Variants in MPDZ observed in about 807,000 individuals in gnomAD.
MPDZ encodes multiple PDZ domain crumbs cell polarity complex component.
Under a neutral mutation model 239.1 loss-of-function variants are expected in MPDZ, and 234 were observed. That is an observed-to-expected ratio of 0.98 (90% confidence interval 0.88 to 1.09). MPDZ has a LOEUF of 1.09. MPDZ is among the 50% of genes least tolerant of loss of function. The pLI is 0.00. For synonymous variants in MPDZ, 1,048 were observed against 881.3 expected (o/e 1.19, Z -3.35); for missense variants, 3,175 against 2,510.0 (o/e 1.26, Z -5.66).
chr9:13,196,978 C>G (rs915722747), intron 12 of MPDZ, among the ~76,000 whole-genome samples: 1 of 151,736 alleles, frequency 6.6e-6, no homozygotes, highest in Non-Finnish European at 1.5e-5. Flanking sequence ...ATTTCAATAT[C>G]CTTTTTAGCA....
chr9:13,256,064 G>A (rs1414089756), intron 1 of MPDZ, among the ~76,000 whole-genome samples: 1 of 152,116 alleles, frequency 6.6e-6, no homozygotes, highest in Admixed American at 6.5e-5. Flanking sequence ...CTTTCTGAAG[G>A]CTCTACATGA....
chr9:13,260,803 C>T (rs552651141), intron 1 of MPDZ, among the ~76,000 whole-genome samples: 1 of 152,290 alleles, frequency 6.6e-6, no homozygotes, highest in South Asian at 2.1e-4. Context: ...CCCTACCAGA[C>T]CTTGATCTTA....
chr9:13,219,636 C>T lies in MPDZ; in HGVS notation c.1009G>A (p.Ala337Thr), dbSNP rs777982521. Residue 337 changes from alanine to threonine, a missense_variant, in exon 8 of 47, where the codon GCC becomes ACC. Physicochemically the swap from Ala to Thr is moderately conservative, Grantham distance 58. Transcript: ENST00000319217. ...NRVKLMIARG[A>T]IEERTAPTAL... ...GTGGGTGCTGTACGTTCTTCTATGG[C>T]ACCTCTTGCAATCATCAACTTAACT... 8 of 1,612,442 alleles carry T rather than the reference C, an allele frequency of 5.0e-6. No individual in the cohort carries two copies. The highest frequency in any genetic ancestry group is 3.3e-4 in the Middle Eastern group (2 of 6,078).
intron 6 of MPDZ, among the ~76,000 whole-genome samples, chr9:13,222,012 T>A (rs1292107872): frequency 6.6e-6 from 1 of 152,096 alleles, no homozygotes; most frequent in African/African-American, 2.4e-5. Context: ...TAAGGAATGC[T>A]GTCAAAGGAC....
rs1266017731 is a variant in MPDZ at position 13,140,086 on chromosome 9, G to A, written c.3904C>T (p.Pro1302Ser). The A allele has an allele frequency of 6.2e-7, 1 of 1,613,414 alleles. No individual in the cohort carries two copies. The highest frequency in any genetic ancestry group is 8.5e-7 in the Non-Finnish European group (1 of 1,179,776). ...APLCSVPPPP[P>S]SAFAEMGSDH... ...CTACCCATTTCGGCAAAGGCTGAAG[G>A]AGGGGGTGGGGGCACACTGCACAAT... Residue 1302 changes from proline (P) to serine (S), a missense_variant, in exon 28 of 47, where the codon CCT becomes TCT. Transcript: ENST00000319217.
Position 13,106,614 on chromosome 9 carries a change from T to G in MPDZ, c.*351A>C, listed in dbSNP as rs1442202023. 5.8e-6 allele frequency: 1 copy of G among 172,516 alleles called. No individual in the cohort carries two copies. Among genetic ancestry groups the G allele is most frequent in the South Asian group, 2.0e-4 (1 of 4,980 alleles). 10.7% of individuals were successfully genotyped at this position (172,516 alleles called of 1,614,324 possible). On this transcript the variant is annotated 3_prime_UTR_variant, in exon 47 of 47. Transcript: ENST00000319217. ...TTCATCCTAATTTACTGAAGCCATT[T>G]TCTTTGGTTAGCTTTAGAATTATCT...
intron 19 of MPDZ, among the ~76,000 whole-genome samples, chr9:13,178,691 G>A (rs539468392): frequency 6.6e-6 from 1 of 152,266 alleles, no homozygotes; most frequent in African/African-American, 2.4e-5. Context: ...TATTTATGGT[G>A]ACGAATAGAC....
intron 1 of MPDZ, among the ~76,000 whole-genome samples, chr9:13,253,107 G>GA (rs1466815755): frequency 1.3e-5 from 2 of 151,904 alleles, no homozygotes; most frequent in African/African-American, 4.8e-5. Context: ...AGTCTGCAGA[G>GA]AAAGTACAGC....
intron 18 of MPDZ, among the ~76,000 whole-genome samples, chr9:13,184,204 G>A (rs554185779): frequency 6.6e-6 from 1 of 151,940 alleles, no homozygotes; most frequent in Admixed American, 6.6e-5. Flanking sequence ...TAAAGAGTGA[G>A]ATAGAGAATT....
intron 1 of MPDZ, among the ~76,000 whole-genome samples, chr9:13,270,995 T>C (rs1972826262): frequency 6.6e-6 from 1 of 152,140 alleles, no homozygotes; most frequent in Non-Finnish European, 1.5e-5. Flanking sequence ...GCAGTCAAAA[T>C]AAAGCATTGG....
intron 10 of MPDZ, among the ~76,000 whole-genome samples, chr9:13,215,131 T>C (rs1276137880): frequency 6.6e-6 from 1 of 151,884 alleles, no homozygotes; most frequent in Non-Finnish European, 1.5e-5. Flanking sequence ...TCATTTCCCC[T>C]CTCCCCAGTC....
intron 39 of MPDZ, 122 bp downstream of exon 39, chr9:13,119,380 T>C (rs2131510921): frequency 8.3e-7 from 1 of 1,205,724 alleles, no homozygotes; most frequent in Non-Finnish European, 1.1e-6. Context: ...CCATTGCACC[T>C]GGCCTTGAGG....
intron 6 of MPDZ, 146 bp from the exon 7 acceptor site, chr9:13,221,646 T>A: frequency 1.3e-6 from 1 of 759,990 alleles, no homozygotes. Context: ...TCCCTTTCAT[T>A]TGGTATACTT....
chr9:13,130,491 G>GA (rs1945820704), intron 32 of MPDZ, among the ~76,000 whole-genome samples: 2 of 151,686 alleles, frequency 1.3e-5, no homozygotes, highest in South Asian at 2.1e-4. Context: ...CTGAGTAATG[G>GA]AAAAAAAAGT....
At chr9:13,210,270 T>C (rs1036010641) in intron 10 of MPDZ, among the ~76,000 whole-genome samples, 1 of 152,128 alleles carries the variant, frequency 6.6e-6, no homozygotes, top group East Asian at 1.9e-4. Context: ...GTGCTTGAGA[T>C]GCTATGATTA....
intron 40 of MPDZ, among the ~76,000 whole-genome samples, chr9:13,114,912 T>TAAATAAATA (rs556373731): frequency 6.6e-6 from 1 of 151,698 alleles, no homozygotes; most frequent in Non-Finnish European, 1.5e-5. Flanking sequence ...AATAAATAAA[T>TAAATAAATA]AAATAAATAA....
At position 13,222,427 on chromosome 9, in the gene MPDZ, T is replaced by A. The variant is rs746351576; in HGVS notation, c.553A>T (p.Thr185Ser). ...CCATTGATAGCAAGAATTTGATCAG[T>A]TTCTTTCAATCTTCCATCTCTATCA... Reference protein sequence around the residue: ...VAHRDGRLKETDQILAINGQA... With the variant: ...VAHRDGRLKESDQILAINGQA... Residue 185 changes from threonine (T) to serine (S), a missense_variant, in exon 6 of 47, where the codon ACT becomes TCT. Coordinates refer to ENST00000319217, the MANE Select transcript of MPDZ (RefSeq NM_001378778.1). 6.2e-7 allele frequency: 1 copy of A among 1,612,096 alleles called. No individual in the cohort carries two copies. The highest frequency in any genetic ancestry group is 1.1e-5 in the South Asian group (1 of 90,976).
Position 13,133,882 on chromosome 9 carries a change from G to C in MPDZ, c.4406C>G (p.Ser1469Cys), listed in dbSNP as rs1314657380. The C allele has an allele frequency of 1.9e-6, 3 of 1,593,402 alleles. No homozygotes were observed. The South Asian group carries it at 3.4e-5, about 18-fold the overall frequency. ...TGAACTGAGGTCCACAGCTGCATCA[G>C]AAGTAGTAACAGTTGGCTCTGTCTG... is the stretch of plus-strand genomic sequence containing the variant. ...NKETEPTVTT[S>C]DAAVDLSSFK... Residue 1469 changes from serine (S) to cysteine (C), a missense_variant, in exon 32 of 47, where the codon TCT (serine) becomes TGT (cysteine). Coordinates refer to ENST00000319217, the MANE Select transcript of MPDZ (RefSeq NM_001378778.1).
chr9:13,246,373 T>C lies in MPDZ; in HGVS notation c.183+1262A>G, dbSNP rs528966019. On this transcript the variant is annotated intron_variant, in intron 3 of 46. Coordinates refer to ENST00000319217, the MANE Select transcript of MPDZ (RefSeq NM_001378778.1). Reference sequence around the variant, plus strand: ...AGGAGAATCTCTTGAACCCAGGAGATAGAGGCTGCAGTGAGCAGAGATGGT... The same window carrying C: ...AGGAGAATCTCTTGAACCCAGGAGACAGAGGCTGCAGTGAGCAGAGATGGT... Among the ~76,000 whole-genome samples the C allele has an allele frequency of 5.3e-5, 8 of 152,070 alleles. No homozygotes were observed. The South Asian group carries it at 6.2e-4, about 12-fold the overall frequency.
Sources: gnomAD v4.1 joint callset for allele counts (sites outside exome capture counted in the v4.1 genomes callset) on GRCh38, gnomAD v4.1.1 for gene constraint, MANE v1.5 for transcripts, NCBI Gene and HGNC (gene_info 2026-07-23, HGNC 2026-07-21) for gene names.